Variants in GPM6B observed in about 807,000 individuals in gnomAD.
GPM6B encodes the protein glycoprotein M6B.
GPM6B carries 4 observed loss-of-function variants against 27.2 expected under a neutral mutation model. The observed-to-expected ratio is 0.15, with a 90% confidence interval of 0.07 to 0.34. The LOEUF (loss-of-function observed/expected upper bound fraction) is 0.34. GPM6B is among the 10% of genes least tolerant of loss of function. The probability of loss-of-function intolerance (pLI) is 1.00; values close to 1 mark genes in which losing one functional copy is unlikely to be tolerated. For synonymous variants in GPM6B, 124 were observed against 103.1 expected (o/e 1.20, Z -1.23); for missense variants, 183 against 261.9 (o/e 0.70, Z 2.08).
At chrX:13,844,992 C>CTT (rs11332362) in intron 1 of GPM6B, among the ~76,000 whole-genome samples, 7 of 92,818 alleles carry the variant, frequency 7.5e-5, no homozygotes, top group African/African-American at 1.6e-4. Context: ...TTTTCTTTTT[C>CTT]TTTTTTTTTT....
At chrX:13,931,310 A>G (rs1337319904) in intron 1 of GPM6B, among the ~76,000 whole-genome samples, 1 of 110,560 alleles carries the variant, frequency 9.0e-6, no homozygotes, top group African/African-American at 3.3e-5. Context: ...ATCATGGTGA[A>G]ACCCCATCTC....
intron 2 of GPM6B, among the ~76,000 whole-genome samples, chrX:13,804,699 G>T (rs2048990408): frequency 9.1e-6 from 1 of 109,630 alleles, no homozygotes; most frequent in African/African-American, 3.3e-5. Flanking sequence ...AACTGCATGA[G>T]TGGGAGAGGC....
At chrX:13,866,463 C>T (rs976105188) in intron 1 of GPM6B, among the ~76,000 whole-genome samples, 2 of 111,812 alleles carry the variant, frequency 1.8e-5, no homozygotes, top group African/African-American at 6.5e-5. Context: ...TAGTTAACAA[C>T]ACATATTTCA....
At chrX:13,839,621 G>A (rs1053953826) in intron 1 of GPM6B, among the ~76,000 whole-genome samples, 9 of 110,386 alleles carry the variant, frequency 8.2e-5, no homozygotes, top group African/African-American at 1.3e-4. Context: ...CTCATGTACC[G>A]CACACACACA....
chrX:13,845,511 G>T (rs1275495448), intron 1 of GPM6B, among the ~76,000 whole-genome samples: 2 of 111,941 alleles, frequency 1.8e-5, no homozygotes. Flanking sequence ...AGAATGAGTT[G>T]AGAGTGAAAA....
At chrX:13,782,173 A>C (rs1408513791) in intron 4 of GPM6B, among the ~76,000 whole-genome samples, 1 of 112,305 alleles carries the variant, frequency 8.9e-6, no homozygotes. Flanking sequence ...ATGACTGGCA[A>C]TGAAATCAAG....
chrX:13,781,117 G>A (rs1331832259), intron 4 of GPM6B: 1 of 195,710 alleles, frequency 5.1e-6, no homozygotes, highest in Non-Finnish European at 9.8e-6. Flanking sequence ...GACCTGAGCA[G>A]GAGGGAGCTG....
At chrX:13,883,633 G>T (rs1440116034) in intron 1 of GPM6B, among the ~76,000 whole-genome samples, 1 of 82,572 alleles carries the variant, frequency 1.2e-5, no homozygotes, top group African/African-American at 4.5e-5. Context: ...CAAGGTGGGA[G>T]AATCACTTGA....
At chrX:13,906,065 G>A (rs923787215) in intron 1 of GPM6B, among the ~76,000 whole-genome samples, 9 of 112,205 alleles carry the variant, frequency 8.0e-5, no homozygotes, top group African/African-American at 2.9e-4. Context: ...AGAACATCTC[G>A]AAACCTTCAA....
chrX:13,896,495 A>C (rs2050233868), intron 1 of GPM6B, among the ~76,000 whole-genome samples: 1 of 111,316 alleles, frequency 9.0e-6, no homozygotes, highest in East Asian at 2.8e-4. Flanking sequence ...AATGTTCCTA[A>C]GTAATATTAG....
Position 13,785,724 on chromosome X carries a change from G to T in GPM6B, c.266C>A (p.Ala89Asp), listed in dbSNP as rs1162466120. 8.3e-7 allele frequency: 1 copy of T among 1,211,390 alleles called. No homozygotes were observed. Among genetic ancestry groups the T allele is most frequent in the African/African-American group, 1.7e-5 (1 of 57,822 alleles). The change falls in exon 3 of 8, where the codon GCC becomes GAC. Residue 89 changes from alanine (A) to aspartate (D), a missense_variant. Physicochemically the swap from Ala to Asp is moderately radical, Grantham distance 126. Transcript: ENST00000316715. ...CACATGCCCACAGCCGCAGAATAAG[G>T]CCACCCCGGAGAAGCAGAGGATGGT... ...VATILCFSGV[A>D]LFCGCGHVAL...
intron 1 of GPM6B, among the ~76,000 whole-genome samples, chrX:13,886,127 A>G (rs1045162542): frequency 8.9e-6 from 1 of 112,157 alleles, no homozygotes. Flanking sequence ...CATAAAACAC[A>G]TTCATTTTTT....
At chrX:13,857,330 T>C (rs1467286045) in intron 1 of GPM6B, among the ~76,000 whole-genome samples, 3 of 112,121 alleles carry the variant, frequency 2.7e-5, no homozygotes, top group Non-Finnish European at 5.6e-5. Flanking sequence ...GAGGCAATAA[T>C]TACTAGCCAA....
chrX:13,930,742 C>A (rs998714532), intron 1 of GPM6B, among the ~76,000 whole-genome samples: 4 of 112,535 alleles, frequency 3.6e-5, no homozygotes, highest in African/African-American at 1.3e-4. Flanking sequence ...TGGACAAAGC[C>A]CTTGAAAGCC....
At chrX:13,929,384 A>G (rs1281351060) in intron 1 of GPM6B, among the ~76,000 whole-genome samples, 1 of 110,457 alleles carries the variant, frequency 9.1e-6, no homozygotes, top group East Asian at 2.8e-4. Context: ...GTGGTCTGCA[A>G]AGCTCCCCAT....
intron 1 of GPM6B, among the ~76,000 whole-genome samples, chrX:13,860,643 T>A (rs910981409): frequency 3.6e-5 from 4 of 110,820 alleles, no homozygotes; most frequent in African/African-American, 6.6e-5. Flanking sequence ...TTTTATTTTT[T>A]ATTTCAATAG....
intron 1 of GPM6B, among the ~76,000 whole-genome samples, chrX:13,841,169 G>C (rs964380690): frequency 9.0e-6 from 1 of 111,353 alleles, no homozygotes; most frequent in Non-Finnish European, 1.9e-5. Context: ...ACATTTATAC[G>C]TACACATACT....
Position 13,777,264 on chromosome X carries a change from A to G in GPM6B, c.771+88T>C, listed in dbSNP as rs778317788. The G allele has an allele frequency of 4.7e-6, 3 of 641,883 alleles. No individual in the cohort carries two copies. In the African/African-American group the frequency reaches 6.5e-5, roughly 14 times the overall value. 52.9% of individuals were successfully genotyped at this position (641,883 alleles called of 1,213,427 possible). A position where few individuals can be genotyped will look rare whatever the true frequency, so the allele number is the denominator to read the frequency against. ...AGGAGCTTTCCTTAATGGCATTTTA[A>G]CCATCTCTCTCGCTCTTTCTACAGC... On this transcript the variant is annotated intron_variant, in intron 6 of 7. Coordinates refer to ENST00000316715, the MANE Select transcript of GPM6B (RefSeq NM_001001995.3).
intron 1 of GPM6B, among the ~76,000 whole-genome samples, chrX:13,892,218 G>A (rs187099281): frequency 8.9e-6 from 1 of 111,796 alleles, no homozygotes; most frequent in Non-Finnish European, 1.9e-5. Context: ...GGTTGTCCAC[G>A]TAGCTGAATA....
Sources: gnomAD v4.1 joint callset for allele counts (sites outside exome capture counted in the v4.1 genomes callset) on GRCh38, gnomAD v4.1.1 for gene constraint, MANE v1.5 for transcripts, NCBI Gene and HGNC (gene_info 2026-07-23, HGNC 2026-07-21) for gene names.